The following MGMT variants were observed in gnomAD, a reference collection of about 807,000 sequenced individuals.
MGMT encodes methylated-DNA--protein-cysteine methyltransferase.
Under a neutral mutation model 15.9 loss-of-function variants are expected in MGMT, and 14 were observed. The observed-to-expected ratio is 0.88, with a 90% CI of 0.58 to 1.37. The LOEUF (loss-of-function observed/expected upper bound fraction) is 1.37, where lower values mean the gene tolerates loss of function less well. Ranked by LOEUF, MGMT falls within the 40% of genes most tolerant of loss-of-function variation. MGMT has a pLI of 0.00. For synonymous variants in MGMT, 130 were observed against 118.2 expected, an observed-to-expected ratio of 1.10 and a Z score of -0.65; for missense variants, 282 against 268.1, an observed-to-expected ratio of 1.05 and a Z score of -0.36.
At position 129,560,954 on chromosome 10, in the gene MGMT, A is replaced by AGTGTGTGTGTGTGTGTGT. The variant is rs57984603; in HGVS notation, c.125+24604_125+24621dup. 5.6e-4 allele frequency among the ~76,000 whole-genome samples: 75 copies of AGTGTGTGTGTGTGTGTGT among 133,314 alleles called. 1 individual carries two copies. The highest frequency in any genetic ancestry group is 1.0e-3 in the African/African-American group (37 of 36,478). The allele number at this position is 133,314 out of a possible 152,430, so 87.5% of individuals were successfully genotyped here. A position where few individuals can be genotyped will look rare whatever the true frequency, so the allele number is the denominator to read the frequency against. ...TCTCCAGCTGAATTCAGTAAAGAGCAGTGTGTGTGTGTGTGTGTGTGTGTG... is the reference window on the plus strand; with the variant it reads ...TCTCCAGCTGAATTCAGTAAAGAGCAGTGTGTGTGTGTGTGTGTGTGTGTGTGTGTGTGTGTGTGTGTG... On this transcript the variant is annotated intron_variant, in intron 2 of 4. Transcript: ENST00000651593.
At chr10:129,708,088 C>A in intron 3 of MGMT, 45 bp downstream of exon 3, 1 of 1,569,904 alleles carries the variant, frequency 6.4e-7, no homozygotes, top group Non-Finnish European at 8.6e-7. Flanking sequence ...GGGAGCTTGA[C>A]TTATTAACGA....
At chr10:129,613,624 A>G (rs997444108) in intron 2 of MGMT, among the ~76,000 whole-genome samples, 2 of 152,232 alleles carry the variant, frequency 1.3e-5, no homozygotes, top group African/African-American at 4.8e-5. Flanking sequence ...ACGCAACTTG[A>G]TAAAATACCA....
chr10:129,625,652 C>T (rs937452760), intron 2 of MGMT, among the ~76,000 whole-genome samples: 9 of 152,194 alleles, frequency 5.9e-5, no homozygotes, highest in Admixed American at 2.0e-4. Flanking sequence ...CATCCATTCA[C>T]GATGAAAATG....
intron 2 of MGMT, among the ~76,000 whole-genome samples, chr10:129,597,035 A>G (rs1377380900): frequency 1.3e-5 from 2 of 152,096 alleles, no homozygotes; most frequent in Non-Finnish European, 2.9e-5. Flanking sequence ...TCCTCATCTG[A>G]TCTTCCTCTC....
At chr10:129,595,313 A>G (rs1374486659) in intron 2 of MGMT, among the ~76,000 whole-genome samples, 3 of 152,314 alleles carry the variant, frequency 2.0e-5, no homozygotes, top group South Asian at 2.1e-4. Flanking sequence ...TGCTCTGCTC[A>G]GGTTGGACTC....
chr10:129,657,649 G>T (rs181089417), intron 2 of MGMT, among the ~76,000 whole-genome samples: 3 of 149,072 alleles, frequency 2.0e-5, no homozygotes, highest in South Asian at 2.1e-4. Context: ...GGAGCTGGGG[G>T]GGGGACAGGC....
At chr10:129,717,894 G>A (rs1422101119) in intron 3 of MGMT, 1 of 152,222 alleles carries the variant, frequency 6.6e-6, no homozygotes, top group East Asian at 1.9e-4. Flanking sequence ...TATTTAAAAA[G>A]CTGGTCTTAC....
rs925303613 is a variant in MGMT, at chr10:129,623,583, C to T, written c.126-84312C>T. 3.3e-5 allele frequency among the ~76,000 whole-genome samples: 5 copies of T among 152,080 alleles called. No individual in the cohort carries two copies. The East Asian group carries it at 9.7e-4, about 29-fold the overall frequency. ...TAGTTATAGAGTCTCGCTGTTTTGC[C>T]CAGGATGGAGTACAGTGGTGCAATC... On this transcript the variant is annotated intron_variant, in intron 2 of 4. Coordinates refer to ENST00000651593, the MANE Select transcript of MGMT (RefSeq NM_002412.5).
intron 3 of MGMT, among the ~76,000 whole-genome samples, chr10:129,730,030 G>T (rs1304902110): frequency 6.6e-6 from 1 of 152,196 alleles, no homozygotes; most frequent in East Asian, 1.9e-4. Flanking sequence ...TTTTAGCCTT[G>T]TAGAAGCAGC....
At chr10:129,717,365 G>T (rs964395782) in intron 3 of MGMT, among the ~76,000 whole-genome samples, 1 of 152,190 alleles carries the variant, frequency 6.6e-6, no homozygotes, top group Non-Finnish European at 1.5e-5. Flanking sequence ...GTAGGCTGTG[G>T]TAAATAGCGT....
At chr10:129,518,047 G>A (rs1385448361) in intron 1 of MGMT, among the ~76,000 whole-genome samples, 1 of 152,014 alleles carries the variant, frequency 6.6e-6, no homozygotes, top group East Asian at 1.9e-4. Context: ...CTCTGGGGAG[G>A]GAGCGCTGTC....
chr10:129,487,917 G>A (rs1045477788), intron 1 of MGMT, among the ~76,000 whole-genome samples: 1 of 140,046 alleles, frequency 7.1e-6, no homozygotes, highest in African/African-American at 2.8e-5. Context: ...ATAGGGGTGT[G>A]TGTGTGTGTG....
intron 2 of MGMT, among the ~76,000 whole-genome samples, chr10:129,684,326 G>A (rs997739250): frequency 1.3e-5 from 2 of 152,222 alleles, no homozygotes; most frequent in Non-Finnish European, 2.9e-5. Flanking sequence ...TGGGAAGTTT[G>A]AAATACGAAT....
chr10:129,633,739 A>G (rs953078182), intron 2 of MGMT, among the ~76,000 whole-genome samples: 3 of 152,232 alleles, frequency 2.0e-5, no homozygotes, highest in Non-Finnish European at 4.4e-5. Flanking sequence ...TTATATGCAT[A>G]AAAGACAGTA....
chr10:129,657,770 C>T (rs970932292), intron 2 of MGMT, among the ~76,000 whole-genome samples: 1 of 151,214 alleles, frequency 6.6e-6, no homozygotes, highest in Non-Finnish European at 1.5e-5. Context: ...GGCCTCTTAG[C>T]GTGTGTGGAG....
chr10:129,528,533 T>G (rs1589851690), intron 1 of MGMT, among the ~76,000 whole-genome samples: 6 of 138,326 alleles, frequency 4.3e-5, no homozygotes, highest in South Asian at 2.3e-4. Flanking sequence ...AGCGGGGGCG[T>G]GGGTGCGATG....
intron 2 of MGMT, among the ~76,000 whole-genome samples, chr10:129,614,499 A>T (rs1846999888): frequency 1.3e-5 from 2 of 148,692 alleles, no homozygotes; most frequent in African/African-American, 5.0e-5. Flanking sequence ...TGGCCCTGAC[A>T]CGTGCTCGGC....
At chr10:129,527,950 T>G (rs924602977) in intron 1 of MGMT, among the ~76,000 whole-genome samples, 4 of 151,844 alleles carry the variant, frequency 2.6e-5, no homozygotes, top group Admixed American at 2.0e-4. Context: ...CTCCTCCTCC[T>G]CTCCACCCAG....
intron 2 of MGMT, among the ~76,000 whole-genome samples, chr10:129,610,752 T>C (rs770192586): frequency 2.8e-4 from 43 of 152,326 alleles, no homozygotes; most frequent in Admixed American, 1.6e-3. Context: ...ATGTGTGTAA[T>C]ATCTGGCTCA....
Sources: allele counts gnomAD v4.1 joint callset (sites outside exome capture counted in the v4.1 genomes callset), GRCh38; gene constraint gnomAD v4.1.1; transcripts MANE v1.5; gene names NCBI Gene and HGNC (gene_info 2026-07-23, HGNC 2026-07-21).